The following FOCAD variants were observed in gnomAD, a reference collection of about 807,000 sequenced individuals.
FOCAD encodes focadhesin.
A neutral mutation model predicts 225.6 loss-of-function variants in FOCAD; 198 were observed. That is an observed-to-expected ratio of 0.88 (90% CI 0.78 to 0.99). FOCAD has a LOEUF of 0.99. Ranked by LOEUF, FOCAD falls within the 50% of genes least tolerant of loss-of-function variation. The pLI, the probability that FOCAD is intolerant of heterozygous loss-of-function variation, is 0.00. For missense variants in FOCAD, 2,713 were observed against 2,123.6 expected, an observed-to-expected ratio of 1.28 and a Z score of -5.46; for synonymous variants, 897 against 755.0, an observed-to-expected ratio of 1.19 and a Z score of -3.08.
At chr9:20,733,477 G>A (rs934241003) in intron 4 of FOCAD, among the ~76,000 whole-genome samples, 4 of 151,910 alleles carry the variant, frequency 2.6e-5, no homozygotes, top group Non-Finnish European at 5.9e-5. Flanking sequence ...TTTAGCATTA[G>A]GTATATCTCC....
At chr9:20,899,126 G>C (rs970765444) in intron 21 of FOCAD, among the ~76,000 whole-genome samples, 1 of 151,868 alleles carries the variant, frequency 6.6e-6, no homozygotes, top group Non-Finnish European at 1.5e-5. Context: ...CTGTTAAATA[G>C]ATTTTTTCTG....
At chr9:20,660,976 A>G (rs1821700129) in intron 2 of FOCAD, among the ~76,000 whole-genome samples, 1 of 152,230 alleles carries the variant, frequency 6.6e-6, no homozygotes, top group Admixed American at 6.5e-5. Context: ...GAACATGTTC[A>G]TAGACCACGG....
chr9:20,820,530 G>A (rs1471241510), intron 13 of FOCAD, 105 bp downstream of exon 13: 2 of 858,986 alleles, frequency 2.3e-6, no homozygotes, highest in African/African-American at 1.7e-5. Context: ...GTATTAATGA[G>A]TGGCATCAGT....
rs142215634 is a variant in FOCAD at position 20,675,107 on chromosome 9, G to A, written c.-78+16281G>A. On this transcript the variant is annotated intron_variant, in intron 2 of 45. Coordinates refer to the FOCAD transcript ENST00000380249. ...AAAAAGTTTTTCTTCTATAAATCTA[G>A]TTCTCTAAGTCTCATAGGCCAGCCC... is the stretch of plus-strand genomic sequence containing the variant. Among the ~76,000 whole-genome samples the A allele has an allele frequency of 3.5e-4, 53 of 152,270 alleles. No individual in the cohort carries two copies. The East Asian group carries it at 0.01, about 29-fold the overall frequency.
Position 20,842,779 on chromosome 9 carries a change from T to C in FOCAD, c.1920+19664T>C, listed in dbSNP as rs375979268. Among the ~76,000 whole-genome samples the C allele has an allele frequency of 7.7e-4, 117 of 152,056 alleles. 1 individual carries two copies. Among genetic ancestry groups the C allele is most frequent in the African/African-American group, 2.7e-3 (111 of 41,554 alleles). Reference sequence around the variant, plus strand: ...TTTTATTCATTGTTTTCTGGTTGTTTTGTGGTCTTCTCTACCATACATCCT... The same window carrying C: ...TTTTATTCATTGTTTTCTGGTTGTTCTGTGGTCTTCTCTACCATACATCCT... On this transcript the variant is annotated intron_variant, in intron 15 of 43. Transcript: ENST00000338382.
At chr9:20,734,755 C>T (rs952954758) in intron 4 of FOCAD, among the ~76,000 whole-genome samples, 2 of 152,070 alleles carry the variant, frequency 1.3e-5, no homozygotes, top group Admixed American at 6.5e-5. Flanking sequence ...AGTGATCCTC[C>T]CACCTCGGTC....
chr9:20,859,151 G>C (rs572617804), intron 15 of FOCAD, among the ~76,000 whole-genome samples: 2 of 152,156 alleles, frequency 1.3e-5, no homozygotes, highest in African/African-American at 4.8e-5. Flanking sequence ...GACGTGGGTG[G>C]GTCACCTGAG....
intron 10 of FOCAD, among the ~76,000 whole-genome samples, chr9:20,788,657 T>G (rs1391213997): frequency 1.3e-5 from 2 of 152,188 alleles, no homozygotes; most frequent in Non-Finnish European, 2.9e-5. Flanking sequence ...GTCTAATGAT[T>G]CTTTAACGTC....
At chr9:20,888,521 C>G (rs1331551924) in intron 21 of FOCAD, among the ~76,000 whole-genome samples, 4 of 152,082 alleles carry the variant, frequency 2.6e-5, no homozygotes, top group Non-Finnish European at 4.4e-5. Flanking sequence ...ATGGTTCTTG[C>G]TTTTTGTTTA....
chr9:20,967,443 A>G (rs958077834), intron 35 of FOCAD, among the ~76,000 whole-genome samples: 8 of 152,146 alleles, frequency 5.3e-5, no homozygotes, highest in Admixed American at 2.6e-4. Context: ...TTCTCTATAT[A>G]GGATCATATC....
intron 21 of FOCAD, among the ~76,000 whole-genome samples, chr9:20,893,106 G>A (rs772754856): frequency 6.6e-6 from 1 of 152,086 alleles, no homozygotes; most frequent in Non-Finnish European, 1.5e-5. Flanking sequence ...GAACACTACA[G>A]CCTCCAACTC....
At chr9:20,820,019 T>C in intron 12 of FOCAD, 119 bp downstream of exon 12, 1 of 579,466 alleles carries the variant, frequency 1.7e-6, no homozygotes, top group Non-Finnish European at 3.1e-6. Flanking sequence ...ACTTCTCTTG[T>C]TGAGCTAGGA....
intron 15 of FOCAD, among the ~76,000 whole-genome samples, chr9:20,837,299 A>T (rs1408865829): frequency 6.6e-6 from 1 of 152,040 alleles, no homozygotes. Context: ...TCCAGCCGTG[A>T]GTTTCCGGCT....
chr9:20,815,123 G>GTGGTTTTTT (rs1564024181), intron 11 of FOCAD, among the ~76,000 whole-genome samples: 1 of 85,394 alleles, frequency 1.2e-5, no homozygotes, highest in Non-Finnish European at 2.2e-5. Context: ...ACTTCTCTTT[G>GTGGTTTTTT]TTTTTTTTTT....
chr9:20,984,659 T>C (rs1840991545), intron 39 of FOCAD, among the ~76,000 whole-genome samples: 1 of 152,212 alleles, frequency 6.6e-6, no homozygotes, highest in Admixed American at 6.5e-5. Context: ...TGAGGTTGTT[T>C]TGGTGAAGTA....
intron 11 of FOCAD, among the ~76,000 whole-genome samples, chr9:20,816,329 G>A (rs748050904): frequency 1.2e-4 from 19 of 152,108 alleles, no homozygotes; most frequent in African/African-American, 4.1e-4. Flanking sequence ...GGGATAATGC[G>A]TTGAGATCAC....
chr9:20,760,377 A>G (rs1002671949), intron 6 of FOCAD, among the ~76,000 whole-genome samples: 2 of 152,220 alleles, frequency 1.3e-5, no homozygotes, highest in African/African-American at 4.8e-5. Context: ...ATAAAATCTA[A>G]TATGTCATAG....
intron 2 of FOCAD, among the ~76,000 whole-genome samples, chr9:20,661,586 C>CT (rs1248908354): frequency 6.6e-6 from 1 of 152,152 alleles, no homozygotes; most frequent in Non-Finnish European, 1.5e-5. Flanking sequence ...CAGTGTCCTT[C>CT]TTTTTCTCAC....
chr9:20,665,754 G>T (rs1821880889), intron 2 of FOCAD, among the ~76,000 whole-genome samples: 1 of 152,168 alleles, frequency 6.6e-6, no homozygotes, highest in Admixed American at 6.5e-5. Flanking sequence ...TTAATGGCTG[G>T]GCACGGTGGC....
Sources: allele counts gnomAD v4.1 joint callset (sites outside exome capture counted in the v4.1 genomes callset), GRCh38; gene constraint gnomAD v4.1.1; transcripts MANE v1.5; gene names NCBI Gene and HGNC (gene_info 2026-07-23, HGNC 2026-07-21).